EOGT: variants seen among roughly 807,000 people sequenced by gnomAD.
EOGT encodes EGF domain-specific O-linked N-acetylglucosamine transferase.
Under a neutral mutation model 70.5 loss-of-function variants are expected in EOGT, and 55 were observed. The ratio of observed to expected loss-of-function variants is 0.78; its 90% CI spans 0.63 to 0.98. The LOEUF (loss-of-function observed/expected upper bound fraction) is 0.98. EOGT is among the 50% of genes least tolerant of loss of function. EOGT has a pLI of 0.00. For missense variants in EOGT, 703 were observed against 641.9 expected (o/e 1.10, Z -1.03); for synonymous variants, 246 against 217.1 (o/e 1.13, Z -1.17).
rs767943864 is a variant in EOGT, at chr3:69,007,668, A to T, written c.420+45T>A. 4 of 1,292,600 alleles carry T rather than the reference A, an allele frequency of 3.1e-6. No homozygotes were observed. In the South Asian group the frequency reaches 5.2e-5, roughly 17 times the overall value. The allele number at this position is 1,292,600 out of a possible 1,614,324, so 80.1% of individuals were successfully genotyped here. A position where few individuals can be genotyped will look rare whatever the true frequency, so the allele number is the denominator to read the frequency against. On this transcript the variant is annotated intron_variant, in intron 6 of 17. Transcript: ENST00000383701. ...CTCCGTCTCAAAAATAAATAAAATT[A>T]AAATTAAATAAACAAGTTTATTTAG...
intron 11 of EOGT, 50 bp from the exon 12 acceptor site, chr3:68,988,627 C>A: frequency 9.1e-7 from 1 of 1,093,704 alleles, no homozygotes; most frequent in Non-Finnish European, 1.3e-6. Flanking sequence ...CCCTTCACAC[C>A]AAAAATAGCA....
chr3:69,005,290 AT>A, intron 6 of EOGT, 56 bp from the exon 7 acceptor site: 1 of 983,152 alleles, frequency 1.0e-6, no homozygotes, highest in Non-Finnish European at 1.6e-6. Flanking sequence ...GCAAAGACTC[AT>A]CCGGACTTGC....
intron 16 of EOGT, 36 bp downstream of exon 16, chr3:68,979,632 A>T (rs1335399566): frequency 6.2e-7 from 1 of 1,606,362 alleles, no homozygotes; most frequent in Non-Finnish European, 8.5e-7. Flanking sequence ...AAGCATTATC[A>T]GTTGCTTCAG....
intron 14 of EOGT, among the ~76,000 whole-genome samples, chr3:68,984,143 A>G (rs2090733172): frequency 6.6e-6 from 1 of 152,080 alleles, no homozygotes; most frequent in South Asian, 2.1e-4. Flanking sequence ...GTTCTTAACC[A>G]GTGCACTCTA....
chr3:68,993,754 G>A (rs2091064038), intron 10 of EOGT, among the ~76,000 whole-genome samples: 1 of 152,148 alleles, frequency 6.6e-6, no homozygotes, highest in African/African-American at 2.4e-5. Context: ...TGGACTTACA[G>A]TTCCACATGG....
At chr3:69,001,179 C>A (rs1005859865) in intron 9 of EOGT, among the ~76,000 whole-genome samples, 3 of 151,932 alleles carry the variant, frequency 2.0e-5, no homozygotes, top group Non-Finnish European at 4.4e-5. Context: ...AGGATGGTCT[C>A]GATCTCCTGA....
rs773638158 is a variant in EOGT at position 69,007,776 on chromosome 3, A to C, written c.357T>G (p.Ala119=). 3 of 1,613,354 alleles carry C rather than the reference A, an allele frequency of 1.9e-6. No homozygotes were observed. Among genetic ancestry groups the C allele is most frequent in the Non-Finnish European group, 2.5e-6 (3 of 1,179,550 alleles). ...GCCTCTCTCTGGCATATCCAAAGTC[A>C]GCTTGTTTCCAAAATATGTCCTCAG... The part of the protein sequence containing the change: ...ESAEDIFWKQ[A]DFGYARERLE... The change falls in exon 6 of 18, where the codon GCT becomes GCG. Residue 119 remains alanine, a synonymous_variant. Coordinates refer to ENST00000383701, the MANE Select transcript of EOGT (RefSeq NM_001278689.2).
intron 15 of EOGT, among the ~76,000 whole-genome samples, chr3:68,980,866 G>A (rs547499617): frequency 2.0e-5 from 3 of 152,092 alleles, no homozygotes; most frequent in Admixed American, 6.5e-5. Flanking sequence ...AGTATTTCCC[G>A]CAGACTGGCA....
chr3:68,978,416 G>C lies in EOGT; in HGVS notation c.1354C>G (p.Arg452Gly). The change falls in exon 17 of 18, where the codon CGC becomes GGC. Residue 452 changes from arginine (R) to glycine (G), a missense_variant. By Grantham distance (125) the Arg-to-Gly change is moderately radical (BLOSUM62 -2). Coordinates refer to ENST00000383701, the MANE Select transcript of EOGT (RefSeq NM_001278689.2). ...VFELYNCEDERCYLDLARLRG... is the reference protein window; with the variant it reads ...VFELYNCEDEGCYLDLARLRG... ...AGCCTGGCCAAGTCTAAGTAACAGC[G>C]TTCATCTTCACAGTTGTACCTAAGG... The C allele has an allele frequency of 6.2e-7, 1 of 1,610,484 alleles. No homozygotes were observed. The highest frequency in any genetic ancestry group is 8.5e-7 in the Non-Finnish European group (1 of 1,178,834).
intron 10 of EOGT, among the ~76,000 whole-genome samples, chr3:68,991,896 G>A (rs534811043): frequency 1.3e-5 from 2 of 152,314 alleles, no homozygotes; most frequent in Admixed American, 1.3e-4. Flanking sequence ...AGCGGCAAGA[G>A]AAAATGAGGA....
In EOGT at chr3:69,013,655, G is replaced by C. The variant is rs956707435; in HGVS notation, c.-437C>G. The C allele has an allele frequency of 2.6e-5, 4 of 152,764 alleles. No individual in the cohort carries two copies. Among genetic ancestry groups the C allele is most frequent in the Non-Finnish European group, 5.8e-5 (4 of 68,520 alleles). The allele number at this position is 152,764 out of a possible 1,614,324, so 9.5% of individuals were successfully genotyped here. ...TCCAGAGGAGGGAGTCGTCATAACC[G>C]GCTACTGCCGCTCACCGGAAACCTC... On this transcript the variant is annotated 5_prime_UTR_variant, in exon 1 of 18. Coordinates refer to ENST00000383701, the MANE Select transcript of EOGT (RefSeq NM_001278689.2).
intron 1 of EOGT, among the ~76,000 whole-genome samples, chr3:69,013,017 G>A (rs2091614189): frequency 6.6e-6 from 1 of 152,130 alleles, no homozygotes; most frequent in African/African-American, 2.4e-5. Flanking sequence ...CTCGGCGGGT[G>A]CCAGGCAGGG....
In EOGT at chr3:69,009,929, AC is replaced by A. The variant is rs1293639163; in HGVS notation, c.-14-70del. 550 of 549,512 alleles carry A rather than the reference AC, an allele frequency of 1.0e-3. 1 individual carries two copies. The highest frequency in any genetic ancestry group is 3.7e-3 in the African/African-American group (145 of 39,568). The allele number at this position is 549,512 out of a possible 1,614,324, so 34.0% of individuals were successfully genotyped here. A position where few individuals can be genotyped will look rare whatever the true frequency, so the allele number is the denominator to read the frequency against. ...AAAAGCCAAAACAACAACAACAACAACAACAAAAAAAAAAAAAAAACAAAGG... is the reference window on the plus strand; with the variant it reads ...AAAAGCCAAAACAACAACAACAACAAAACAAAAAAAAAAAAAAAACAAAGG... On this transcript the variant is annotated intron_variant, in intron 3 of 17. Transcript: ENST00000383701.
rs369423560 is a variant in EOGT at position 69,005,551 on chromosome 3, C to A, written c.421-317G>T. Reference sequence around the variant, plus strand: ...CCCCTTTAAAAGAAAAAAAAAGTACCCAGATCCAGTACTACTACCCCCACA... The same window carrying A: ...CCCCTTTAAAAGAAAAAAAAAGTACACAGATCCAGTACTACTACCCCCACA... On this transcript the variant is annotated intron_variant, in intron 6 of 17. Transcript: ENST00000383701. Among the ~76,000 whole-genome samples the A allele has an allele frequency of 9.2e-5, 14 of 152,206 alleles. 1 individual carries two copies. The South Asian group carries it at 2.7e-3, about 29-fold the overall frequency.
chr3:69,006,924 A>G lies in EOGT; in HGVS notation c.420+789T>C, dbSNP rs540815364. 3.9e-5 allele frequency among the ~76,000 whole-genome samples: 6 copies of G among 152,358 alleles called. No individual in the cohort carries two copies. In the East Asian group the frequency reaches 1.2e-3, roughly 29 times the overall value. ...TGAGGACCCTGTTTTCCATACTGAT[A>G]AAGTGGCATCAGTAGTATCTGCTAT... On this transcript the variant is annotated intron_variant, in intron 6 of 17. Transcript: ENST00000383701.
chr3:69,005,355 G>A, intron 6 of EOGT, 121 bp from the exon 7 acceptor site: 1 of 534,216 alleles, frequency 1.9e-6, no homozygotes, highest in East Asian at 3.1e-5. Context: ...AACATGACAA[G>A]GAAAGCTCTC....
chr3:68,999,902 T>C (rs925663395), intron 9 of EOGT, among the ~76,000 whole-genome samples: 1 of 152,158 alleles, frequency 6.6e-6, no homozygotes, highest in Admixed American at 6.6e-5. Context: ...AGAATGTTCA[T>C]TTCCCTAAGG....
At chr3:68,985,204 A>T (rs2090770750) in intron 14 of EOGT, among the ~76,000 whole-genome samples, 1 of 152,138 alleles carries the variant, frequency 6.6e-6, no homozygotes, top group African/African-American at 2.4e-5. Context: ...TCTCATTTGT[A>T]TTCCCAACAT....
rs759479870 is a variant in EOGT, at chr3:68,979,759, T to C, written c.1243A>G (p.Ile415Val). The C allele has an allele frequency of 6.2e-7, 1 of 1,613,636 alleles. No individual in the cohort carries two copies. Among genetic ancestry groups the C allele is most frequent in the East Asian group, 2.2e-5 (1 of 44,836 alleles). The part of the protein sequence containing the change: ...RELGFLDQLR[I>V]THNTDIFIGM... ...ATAAATATGTCCGTGTTGTGTGTGA[T>C]CCTTAGTTGATCTAAAAACCCAAGT... Residue 415 changes from isoleucine to valine, a missense_variant, in exon 16 of 18, where the codon ATC becomes GTC. Transcript: ENST00000383701.
Sources: gnomAD v4.1 joint callset for allele counts (sites outside exome capture counted in the v4.1 genomes callset) on GRCh38, gnomAD v4.1.1 for gene constraint, MANE v1.5 for transcripts, NCBI Gene and HGNC (gene_info 2026-07-23, HGNC 2026-07-21) for gene names.